TMEM185A: variants seen among roughly 807,000 people sequenced by gnomAD.
TMEM185A encodes the protein family with sequence similarity 11, member A.
Under a neutral mutation model 25.0 loss-of-function variants are expected in TMEM185A, and 9 were observed. The observed-to-expected ratio is 0.36, with a 90% CI of 0.22 to 0.63. TMEM185A has a LOEUF of 0.63. Ranked by LOEUF, TMEM185A falls within the 20% of genes least tolerant of loss-of-function variation. The pLI is 0.68. For synonymous variants in TMEM185A, 45 were observed against 93.5 expected (o/e 0.48, Z 2.99); for missense variants, 103 against 237.4 (o/e 0.43, Z 3.72).
At chrX:149,603,914 G>C (rs922009614) in intron 4 of TMEM185A, 73 bp downstream of exon 4, 25 of 925,233 alleles carry the variant, frequency 2.7e-5, no homozygotes, top group Non-Finnish European at 3.3e-5. Flanking sequence ...TCTTTTCCAA[G>C]CTTTGTACAG....
intron 1 of TMEM185A, among the ~76,000 whole-genome samples, chrX:149,623,062 A>C (rs1173211814): frequency 9.0e-6 from 1 of 111,699 alleles, no homozygotes; most frequent in Non-Finnish European, 1.9e-5. Context: ...GTTATTTGCA[A>C]ATATACATTA....
In TMEM185A at chrX:149,631,706, TGCCGTCCCCGCTGCCGTCGCCGTC is replaced by T; in HGVS notation, c.-150_-127del. 5.7e-6 allele frequency: 4 copies of T among 696,658 alleles called. No homozygotes were observed. Among genetic ancestry groups the T allele is most frequent in the Non-Finnish European group, 7.7e-6 (4 of 517,756 alleles). The allele number at this position is 696,658 out of a possible 1,213,427, so 57.4% of individuals were successfully genotyped here. A position where few individuals can be genotyped will look rare whatever the true frequency, so the allele number is the denominator to read the frequency against. ...TCCACGCTGCTGCTCCCGCTACTGCTGCCGTCCCCGCTGCCGTCGCCGTCGCCGTCGCCGCCGCCGCCGCCGCCG... is the reference window on the plus strand; with the variant it reads ...TCCACGCTGCTGCTCCCGCTACTGCTGCCGTCGCCGCCGCCGCCGCCGCCG... On this transcript the variant is annotated 5_prime_UTR_variant, in exon 1 of 7. Coordinates refer to ENST00000600449, the MANE Select transcript of TMEM185A (RefSeq NM_032508.4).
Position 149,631,577 on chromosome X carries a change from T to G in TMEM185A, c.4A>C (p.Asn2His), listed in dbSNP as rs1557356660. The G allele has an allele frequency of 3.4e-6, 4 of 1,169,059 alleles. No individual in the cohort carries two copies. The highest frequency in any genetic ancestry group is 1.8e-5 in the African/African-American group (1 of 55,914). Residue 2 changes from asparagine to histidine, a missense_variant, in exon 1 of 7, where the codon AAC (asparagine) becomes CAC (histidine). By Grantham distance (68) the Asn-to-His change is moderately conservative (BLOSUM62 1). Coordinates refer to ENST00000600449, the MANE Select transcript of TMEM185A (RefSeq NM_032508.4). M[N>H]LRGLFQDFNP... ...AAGTCCTGGAAGAGGCCCCTCAGGT[T>G]CATGGCGGAGAACTTCACCGCGGCG...
intron 1 of TMEM185A, among the ~76,000 whole-genome samples, chrX:149,621,287 TAAAA>T (rs1421153208): frequency 9.0e-6 from 1 of 110,654 alleles, no homozygotes; most frequent in African/African-American, 3.3e-5. Context: ...CCTTATTTAA[TAAAA>T]AAAGAGAGTA....
chrX:149,624,894 T>C (rs1557355880), intron 1 of TMEM185A, among the ~76,000 whole-genome samples: 1 of 112,034 alleles, frequency 8.9e-6, no homozygotes, highest in African/African-American at 3.2e-5. Flanking sequence ...CCCAGGTCTG[T>C]CTCCTCATCT....
chrX:149,608,020 C>A (rs1229381913), intron 3 of TMEM185A, among the ~76,000 whole-genome samples: 2 of 111,763 alleles, frequency 1.8e-5, no homozygotes, highest in Non-Finnish European at 3.8e-5. Context: ...GTTCACCTGC[C>A]CTGGAGATTT....
At chrX:149,620,778 C>T (rs1557355461) in intron 1 of TMEM185A, among the ~76,000 whole-genome samples, 1 of 112,168 alleles carries the variant, frequency 8.9e-6, no homozygotes, top group Admixed American at 9.4e-5. Context: ...AATATTAATA[C>T]TCGAAAACAA....
chrX:149,620,637 C>T (rs2090135152), intron 1 of TMEM185A, among the ~76,000 whole-genome samples: 1 of 111,279 alleles, frequency 9.0e-6, no homozygotes, highest in African/African-American at 3.3e-5. Flanking sequence ...GTGCCAATGT[C>T]GACCAAGGCA....
At chrX:149,611,588 T>C in intron 1 of TMEM185A, 125 bp from the exon 2 acceptor site, 1 of 620,940 alleles carries the variant, frequency 1.6e-6, no homozygotes, top group Non-Finnish European at 2.5e-6. Context: ...AATCATTTAT[T>C]GAAAAGGTCT....
intron 1 of TMEM185A, among the ~76,000 whole-genome samples, chrX:149,626,165 A>T (rs1392817720): frequency 8.9e-6 from 1 of 112,174 alleles, no homozygotes; most frequent in African/African-American, 3.2e-5. Flanking sequence ...AAGCCCCTAC[A>T]TTGGGCCTGG....
At position 149,631,597 on chromosome X, in the gene TMEM185A, G is replaced by T; in HGVS notation, c.-17C>A. ...CAGGTTCATGGCGGAGAACTTCACC[G>T]CGGCGTCCTCCTCCTCCTCCCCCGC... On this transcript the variant is annotated 5_prime_UTR_variant, in exon 1 of 7. Coordinates refer to ENST00000600449, the MANE Select transcript of TMEM185A (RefSeq NM_032508.4). The T allele has an allele frequency of 8.6e-7, 1 of 1,159,633 alleles. No individual in the cohort carries two copies.
chrX:149,611,557 A>G (rs2090083865), intron 1 of TMEM185A, 94 bp from the exon 2 acceptor site: 2 of 795,426 alleles, frequency 2.5e-6, no homozygotes, highest in Non-Finnish European at 3.6e-6. Context: ...GTCAGCATGT[A>G]AAAGGAGTCA....
intron 2 of TMEM185A, among the ~76,000 whole-genome samples, chrX:149,609,483 A>G (rs2090070417): frequency 8.9e-6 from 1 of 112,971 alleles, no homozygotes; most frequent in African/African-American, 3.2e-5. Flanking sequence ...ACTGTTCTCA[A>G]ACAAAATCAG....
chrX:149,608,471 C>T lies in TMEM185A; in HGVS notation c.423+156G>A, dbSNP rs1602863552. ...TCAGCCTCCGGAGAAGCTGGGATTACTGGCGCATGCCACCACACCCGGCTA... is the reference window on the plus strand; with the variant it reads ...TCAGCCTCCGGAGAAGCTGGGATTATTGGCGCATGCCACCACACCCGGCTA... On this transcript the variant is annotated intron_variant, in intron 3 of 6. Coordinates refer to ENST00000600449, the MANE Select transcript of TMEM185A (RefSeq NM_032508.4). The T allele has an allele frequency of 1.3e-5, 6 of 470,585 alleles. No homozygotes were observed. In the South Asian group the frequency reaches 1.7e-4, roughly 14 times the overall value. 38.8% of individuals were successfully genotyped at this position (470,585 alleles called of 1,213,427 possible). A position where few individuals can be genotyped will look rare whatever the true frequency, so the allele number is the denominator to read the frequency against.
At chrX:149,630,975 C>A (rs1326456709) in intron 1 of TMEM185A, among the ~76,000 whole-genome samples, 1 of 110,862 alleles carries the variant, frequency 9.0e-6, no homozygotes, top group African/African-American at 3.3e-5. Context: ...TCAGGCTCAC[C>A]CAGAAATGCA....
chrX:149,610,377 G>A (rs2090075662), intron 2 of TMEM185A, among the ~76,000 whole-genome samples: 3 of 88,710 alleles, frequency 3.4e-5, no homozygotes, highest in South Asian at 6.7e-4. Flanking sequence ...GCAGTGGGCC[G>A]AGATCACACC....
At chrX:149,608,410 A>C (rs1160534087) in intron 3 of TMEM185A, 1 of 358,808 alleles carries the variant, frequency 2.8e-6, no homozygotes, top group Non-Finnish European at 4.8e-6. Context: ...GGCTCACTGC[A>C]ACCTCCGCCT....
chrX:149,602,831 T>A (rs1378712310), intron 4 of TMEM185A, among the ~76,000 whole-genome samples: 1 of 112,376 alleles, frequency 8.9e-6, no homozygotes, highest in African/African-American at 3.2e-5. Context: ...GACTGAATAT[T>A]TTTTATTATG....
intron 1 of TMEM185A, among the ~76,000 whole-genome samples, chrX:149,615,564 T>A (rs2090106230): frequency 9.1e-6 from 1 of 110,459 alleles, no homozygotes; most frequent in Admixed American, 9.7e-5. Flanking sequence ...CTAAGTAATC[T>A]AAAAAAAAGC....
Sources: gnomAD v4.1 joint callset for allele counts (sites outside exome capture counted in the v4.1 genomes callset) on GRCh38, gnomAD v4.1.1 for gene constraint, MANE v1.5 for transcripts, NCBI Gene and HGNC (gene_info 2026-07-23, HGNC 2026-07-21) for gene names.